The following SOX13 variants were observed in gnomAD, a reference collection of about 807,000 sequenced individuals.
The protein encoded by SOX13 is transcription factor SOX-13.
SOX13 carries 28 observed loss-of-function variants against 71.8 expected under a neutral mutation model. That is an observed-to-expected ratio of 0.39 (90% CI 0.29 to 0.53). The LOEUF is 0.53. Among genes scored for constraint, SOX13 ranks in the 20% least tolerant of loss-of-function variants. The pLI is 0.70. For synonymous variants in SOX13, 309 were observed against 317.8 expected (o/e 0.97, Z 0.29); for missense variants, 627 against 810.3 (o/e 0.77, Z 2.75).
At chr1:204,088,120 T>C (rs1656061783) in intron 1 of SOX13, among the ~76,000 whole-genome samples, 1 of 152,162 alleles carries the variant, frequency 6.6e-6, no homozygotes. Context: ...CAGGGAACCA[T>C]CCTGAGACTG....
chr1:204,093,717 G>A (rs761620540), intron 1 of SOX13, among the ~76,000 whole-genome samples: 2 of 152,198 alleles, frequency 1.3e-5, no homozygotes, highest in African/African-American at 2.4e-5. Flanking sequence ...CAGGCATACC[G>A]AAAGTGGAAT....
intron 7 of SOX13, chr1:204,119,651 A>G (rs76309135): frequency 0.069 from 10,571 of 152,312 alleles, 434 homozygotes; most frequent in Non-Finnish European, 0.095. Context: ...TTCCATCCCA[A>G]TAGGCTCCCA....
At position 204,124,830 on chromosome 1, in the gene SOX13, A is replaced by T; in HGVS notation, c.1565A>T (p.Gln522Leu). ...AAGGCCCTGATGAGGACCCGGCGTC[A>T]GGATGCCCGCCAGAGCTACGTGATC... ...EYKALMRTRR[Q>L]DARQSYVIPP... is the part of the protein sequence containing the mutation. The change falls in exon 13 of 14, where the codon CAG becomes CTG. Residue 522 changes from glutamine (Q) to leucine (L), a missense_variant. Transcript: ENST00000367204. 6.3e-7 allele frequency: 1 copy of T among 1,577,690 alleles called. No individual in the cohort carries two copies. Among genetic ancestry groups the T allele is most frequent in the Non-Finnish European group, 8.6e-7 (1 of 1,162,454 alleles).
chr1:204,078,810 A>G (rs1396940929), intron 1 of SOX13, among the ~76,000 whole-genome samples: 1 of 152,166 alleles, frequency 6.6e-6, no homozygotes, highest in Non-Finnish European at 1.5e-5. Context: ...TGATTCAGAG[A>G]TTGCTATAGG....
In SOX13 at chr1:204,126,040, C is replaced by G. The variant is rs376615783; in HGVS notation, c.1775C>G (p.Ser592Trp). The change falls in exon 14 of 14, where the codon TCG becomes TGG. Residue 592 changes from serine (S) to tryptophan (W), a missense_variant. Ser to Trp is a radical substitution (Grantham distance 177). This residue lies in a region of SOX13 where 148 missense variants were observed against 192.7 expected (regional missense o/e 0.77). Coordinates refer to ENST00000367204, the MANE Select transcript of SOX13 (RefSeq NM_005686.3). ...GGTGAGGGCACAGATGACAGGCACTCGGTGGCTGATGGCGAGATGTACCGG... is the reference window on the plus strand; with the variant it reads ...GGTGAGGGCACAGATGACAGGCACTGGGTGGCTGATGGCGAGATGTACCGG... ...EEGEGTDDRH[S>W]VADGEMYRYS... 6.2e-7 allele frequency: 1 copy of G among 1,613,956 alleles called. No individual in the cohort carries two copies. Among genetic ancestry groups the G allele is most frequent in the East Asian group, 2.2e-5 (1 of 44,874 alleles).
chr1:204,093,446 T>A (rs1656186386), intron 1 of SOX13, among the ~76,000 whole-genome samples: 1 of 152,214 alleles, frequency 6.6e-6, no homozygotes, highest in African/African-American at 2.4e-5. Context: ...ATAAACAGCC[T>A]GTACCTGACC....
In SOX13 at chr1:204,126,103, G is replaced by T; in HGVS notation, c.1838G>T (p.Ser613Ile). ...GAGGACTCGGAGGGCGAAGAGAAGA[G>T]CGATGGGGAGTTGGTGGTGCTCACA... The part of the protein sequence containing the change: ...EDEDSEGEEK[S>I]DGELVVLTD The change falls in exon 14 of 14, where the codon AGC becomes ATC. Residue 613 changes from serine to isoleucine, a missense_variant. Ser to Ile is a moderately radical substitution (Grantham distance 142, BLOSUM62 -2). Around this residue, in one of 3 missense-constraint regions of SOX13, gnomAD observed 148 missense variants for 192.7 expected, o/e 0.77. Transcript: ENST00000367204. The T allele has an allele frequency of 6.2e-7, 1 of 1,613,976 alleles. No homozygotes were observed. The highest frequency in any genetic ancestry group is 8.5e-7 in the Non-Finnish European group (1 of 1,179,870).
At chr1:204,090,408 CT>C (rs67694415) in intron 1 of SOX13, among the ~76,000 whole-genome samples, 61,552 of 118,060 alleles carry the variant, frequency 0.52, 14,568 homozygotes, top group Middle Eastern at 0.67. Context: ...TCTTCTTCTT[CT>C]TTTTTTTTTT....
chr1:204,123,035 G>A lies in SOX13; in HGVS notation c.1134+72G>A. 1.3e-6 allele frequency: 2 copies of A among 1,514,992 alleles called. No homozygotes were observed. The highest frequency in any genetic ancestry group is 1.8e-6 in the Non-Finnish European group (2 of 1,093,850). The allele number at this position is 1,514,992 out of a possible 1,614,324, so 93.8% of individuals were successfully genotyped here. A position where few individuals can be genotyped will look rare whatever the true frequency, so the allele number is the denominator to read the frequency against. ...GCCAGGAGTGGAAGACACAGTCTGA[G>A]GCCACCAAGAGAGGAGCATGGGGAG... is the stretch of plus-strand genomic sequence containing the variant. On this transcript the variant is annotated intron_variant, in intron 10 of 13. Transcript: ENST00000367204. This position sits in a 1 kb window ranked among gnomAD's most constrained non-coding sequence, Gnocchi z 5.0.
chr1:204,085,690 A>C (rs1656001281), intron 1 of SOX13, among the ~76,000 whole-genome samples: 1 of 151,894 alleles, frequency 6.6e-6, no homozygotes, highest in Admixed American at 6.6e-5. Flanking sequence ...AAAAAAAAAA[A>C]AGATCCAGGC....
chr1:204,093,464 C>T (rs1018721829), intron 1 of SOX13, among the ~76,000 whole-genome samples: 61 of 152,166 alleles, frequency 4.0e-4, no homozygotes, highest in Non-Finnish European at 2.2e-4. Flanking sequence ...ACCTTTGGAC[C>T]CTGGGTGCTC....
rs1655910482 is a variant in SOX13 at position 204,081,688 on chromosome 1, ACTC to A, written c.-2+7981_-2+7983del. ...CTGGCCACACAAGGCAGGACCTGGC[ACTC>A]CTCAGAGTGGAGGGTGAGGAGGGTT... On this transcript the variant is annotated intron_variant, in intron 1 of 13. Transcript: ENST00000367204. The surrounding 1 kb of genome is among the most constrained non-coding windows in gnomAD (Gnocchi z 4.3). Among the ~76,000 whole-genome samples, 7 of 152,052 alleles carry A rather than the reference ACTC, an allele frequency of 4.6e-5. No homozygotes were observed. The highest frequency in any genetic ancestry group is 4.6e-4 in the Admixed American group (7 of 15,274).
chr1:204,117,316 A>G, intron 6 of SOX13, 126 bp downstream of exon 6: 2 of 833,472 alleles, frequency 2.4e-6, no homozygotes, highest in Non-Finnish European at 4.1e-6. Context: ...CTCAGGCCTG[A>G]CCTGAGGAGG....
chr1:204,114,858 C>A lies in SOX13; in HGVS notation c.418+253C>A, dbSNP rs1338932579. On this transcript the variant is annotated intron_variant, in intron 4 of 13. Transcript: ENST00000367204. ...CTGAATCTGGGCTCTCACCAGGCAC[C>A]CTTGTGACTTCAGGCATGTCATTGC... 5.3e-5 allele frequency among the ~76,000 whole-genome samples: 8 copies of A among 152,246 alleles called. No homozygotes were observed. In the South Asian group the frequency reaches 1.2e-3, roughly 24 times the overall value.
intron 1 of SOX13, among the ~76,000 whole-genome samples, chr1:204,084,853 A>C (rs1655984803): frequency 6.6e-6 from 1 of 152,126 alleles, no homozygotes; most frequent in Non-Finnish European, 1.5e-5. Flanking sequence ...CATTAGCCTG[A>C]GAGGTAGGAA....
At position 204,093,118 on chromosome 1, in the gene SOX13, G is replaced by A. The variant is rs779470685; in HGVS notation, c.-2+19407G>A. Among the ~76,000 whole-genome samples the A allele has an allele frequency of 1.8e-4, 27 of 152,304 alleles. No homozygotes were observed. In the South Asian group the frequency reaches 1.9e-3, roughly 11 times the overall value. ...CCAAGTGTATCAGCATAGGGACGTG[G>A]GGACGTGGGGGAGGTGGACTGGGGC... On this transcript the variant is annotated intron_variant, in intron 1 of 13. Transcript: ENST00000367204.
At chr1:204,080,706 T>C (rs937682586) in intron 1 of SOX13, among the ~76,000 whole-genome samples, 1 of 151,716 alleles carries the variant, frequency 6.6e-6, no homozygotes, top group South Asian at 2.1e-4. Flanking sequence ...GTATGGCTGG[T>C]GTTTCCCTGA....
intron 1 of SOX13, among the ~76,000 whole-genome samples, chr1:204,075,329 C>A (rs1183433353): frequency 1.3e-5 from 2 of 152,018 alleles, no homozygotes; most frequent in African/African-American, 2.4e-5. Context: ...CTCTCCCCCG[C>A]TCCCTGGCTC....
rs1370297829 is a variant in SOX13 at position 204,124,691 on chromosome 1, G to A, written c.1426G>A (p.Glu476Lys). 6.2e-7 allele frequency: 1 copy of A among 1,613,518 alleles called. No individual in the cohort carries two copies. Among genetic ancestry groups the A allele is most frequent in the Non-Finnish European group, 8.5e-7 (1 of 1,179,772 alleles). ...TNQEKQPYYE[E>K]QARLSRQHLE... is the part of the protein sequence containing the mutation. ...CCAGGAGAAGCAGCCCTACTATGAGGAACAGGCGCGGCTGAGCCGGCAGCA... is the reference window on the plus strand; with the variant it reads ...CCAGGAGAAGCAGCCCTACTATGAGAAACAGGCGCGGCTGAGCCGGCAGCA... Residue 476 changes from glutamate (E) to lysine (K), a missense_variant, in exon 13 of 14, where the codon GAA becomes AAA. This residue lies in a region of SOX13 where 32 missense variants were observed against 85.4 expected (regional missense o/e 0.37). Coordinates refer to ENST00000367204, the MANE Select transcript of SOX13 (RefSeq NM_005686.3).
Sources: gnomAD v4.1 joint callset for allele counts (sites outside exome capture counted in the v4.1 genomes callset) on GRCh38, gnomAD v4.1.1 for gene constraint, gnomAD v4.1.1 regional missense constraint, Gnocchi (gnomAD v3.1) non-coding constraint, MANE v1.5 for transcripts, NCBI Gene and HGNC (gene_info 2026-07-23, HGNC 2026-07-21) for gene names.